Variants in MCMBP observed in about 807,000 individuals in gnomAD.
The protein encoded by MCMBP is minichromosome maintenance complex binding protein.
Under a neutral mutation model 81.3 loss-of-function variants are expected in MCMBP, and 31 were observed. The observed-to-expected ratio is 0.38, with a 90% confidence interval of 0.29 to 0.51. MCMBP has a LOEUF of 0.51. Among genes scored for constraint, MCMBP ranks in the 20% least tolerant of loss-of-function variants. MCMBP has a pLI of 0.87. For missense variants in MCMBP, 645 were observed against 772.1 expected (o/e 0.84, Z 1.95); for synonymous variants, 267 against 275.9 (o/e 0.97, Z 0.32).
rs1427534076 is a variant in MCMBP, at chr10:119,830,696, T to C, written c.*778A>G. 1.3e-5 allele frequency: 2 copies of C among 152,598 alleles called. No homozygotes were observed. Among genetic ancestry groups the C allele is most frequent in the Admixed American group, 6.6e-5 (1 of 15,266 alleles). 9.5% of individuals were successfully genotyped at this position (152,598 alleles called of 1,614,324 possible). A position where few individuals can be genotyped will look rare whatever the true frequency, so the allele number is the denominator to read the frequency against. On this transcript the variant is annotated 3_prime_UTR_variant, in exon 16 of 16. Transcript: ENST00000369077. ...TTTTGCCCCCAAAAGCCACATTCATTCCGTTTAAAGGACTCCTCTTATTCA... is the reference window on the plus strand; with the variant it reads ...TTTTGCCCCCAAAAGCCACATTCATCCCGTTTAAAGGACTCCTCTTATTCA...
chr10:119,842,762 T>C, intron 9 of MCMBP, 167 bp from the exon 10 acceptor site: 1 of 688,184 alleles, frequency 1.5e-6, no homozygotes, highest in African/African-American at 1.9e-5. Flanking sequence ...GCAGTTTGCA[T>C]CCTCCTTTTT....
intron 5 of MCMBP, 52 bp downstream of exon 5, chr10:119,857,286 G>A: frequency 7.8e-7 from 1 of 1,278,144 alleles, no homozygotes; most frequent in Non-Finnish European, 1.1e-6. Flanking sequence ...ATAATTAAAG[G>A]CTAAGTTTTT....
At chr10:119,857,079 GAC>G (rs1475399492) in intron 5 of MCMBP, among the ~76,000 whole-genome samples, 1 of 128,918 alleles carries the variant, frequency 7.8e-6, no homozygotes, top group African/African-American at 2.9e-5. Flanking sequence ...CAGCCTGGGT[GAC>G]AGTGAGTCCC....
At chr10:119,856,267 T>A (rs188663222) in intron 5 of MCMBP, among the ~76,000 whole-genome samples, 85 of 152,190 alleles carry the variant, frequency 5.6e-4, no homozygotes, top group Non-Finnish European at 2.4e-4. Context: ...AAGAACTGAA[T>A]TGGTAGTTTA....
chr10:119,859,338 TG>T (rs1429275771), intron 2 of MCMBP, among the ~76,000 whole-genome samples, 157 bp from the exon 3 acceptor site: 4 of 151,936 alleles, frequency 2.6e-5, no homozygotes, highest in African/African-American at 9.7e-5. Flanking sequence ...ATGATCTCAA[TG>T]GTCAATATAA....
Position 119,831,646 on chromosome 10 carries a change from T to A in MCMBP, c.1797-46A>T, listed in dbSNP as rs1564867086. 4 of 1,594,856 alleles carry A rather than the reference T, an allele frequency of 2.5e-6. No individual in the cohort carries two copies. The Admixed American group carries it at 7.3e-5, about 29-fold the overall frequency. On this transcript the variant is annotated intron_variant, in intron 15 of 15. Coordinates refer to ENST00000369077, the MANE Select transcript of MCMBP (RefSeq NM_001256378.2). ...AAATTTAAGTCTAGAGCTGGGATAG[T>A]AAGTTTTAAATTTTTTTTAAGACCT...
At chr10:119,841,861 A>G (rs1852445115) in intron 10 of MCMBP, among the ~76,000 whole-genome samples, 1 of 152,260 alleles carries the variant, frequency 6.6e-6, no homozygotes, top group Non-Finnish European at 1.5e-5. Context: ...CAGAGCGTTC[A>G]GAATGCAAAA....
At position 119,830,901 on chromosome 10, in the gene MCMBP, C is replaced by CTGTT. The variant is rs146248670; in HGVS notation, c.*569_*572dup. On this transcript the variant is annotated 3_prime_UTR_variant, in exon 16 of 16. Coordinates refer to ENST00000369077, the MANE Select transcript of MCMBP (RefSeq NM_001256378.2). ...CCATGTACAAGTTTAGTTTTGCAGG[C>CTGTT]TGTTAACAAATGTTAAGTGGGAAAA... The CTGTT allele has an allele frequency of 0.015, 2,311 of 152,664 alleles. 23 individuals are homozygous for CTGTT. The highest frequency in any genetic ancestry group is 0.071 in the Middle Eastern group (21 of 294). The allele number at this position is 152,664 out of a possible 1,614,324, so 9.5% of individuals were successfully genotyped here. A position where few individuals can be genotyped will look rare whatever the true frequency, so the allele number is the denominator to read the frequency against.
intron 12 of MCMBP, among the ~76,000 whole-genome samples, chr10:119,837,676 C>T (rs910711575): frequency 3.3e-5 from 5 of 152,064 alleles, no homozygotes; most frequent in African/African-American, 1.2e-4. Context: ...CCCAGCTACT[C>T]GGGAGGCTGA....
chr10:119,842,458 G>A lies in MCMBP; in HGVS notation c.1124+14C>T. ...ACCAAACTCCCCTAATTCCCACCAG[G>A]ATACAGCACTTACACTGTGGAGATG... On this transcript the variant is annotated intron_variant, in intron 10 of 15. Transcript: ENST00000369077. The A allele has an allele frequency of 6.2e-7, 1 of 1,605,720 alleles. No homozygotes were observed. The highest frequency in any genetic ancestry group is 8.5e-7 in the Non-Finnish European group (1 of 1,176,950).
intron 6 of MCMBP, among the ~76,000 whole-genome samples, chr10:119,850,610 G>A (rs946892775): frequency 9.2e-5 from 14 of 151,706 alleles, no homozygotes; most frequent in Non-Finnish European, 1.6e-4. Context: ...TTAGCCAGGC[G>A]TGGTGATGGG....
chr10:119,864,754 C>CTT (rs1036385178), intron 1 of MCMBP, among the ~76,000 whole-genome samples: 62 of 152,106 alleles, frequency 4.1e-4, no homozygotes, highest in African/African-American at 1.4e-3. Flanking sequence ...GAGACCTTCT[C>CTT]TTCTAATTAA....
At position 119,842,667 on chromosome 10, in the gene MCMBP, AACT is replaced by A. The variant is rs373990105; in HGVS notation, c.1001-75_1001-73del. 1.3e-3 allele frequency: 1,934 copies of A among 1,527,152 alleles called. 2 individuals carry two copies. The highest frequency in any genetic ancestry group is 1.6e-3 in the Non-Finnish European group (1,850 of 1,134,406). 94.6% of individuals were successfully genotyped at this position (1,527,152 alleles called of 1,614,324 possible). ...TCTCAAGTGTCTTAGGTAAAAAAATAACTACGTGAGCAAAGCACAATTCAGTCG... is the reference window on the plus strand; with the variant it reads ...TCTCAAGTGTCTTAGGTAAAAAAATAACGTGAGCAAAGCACAATTCAGTCG... On this transcript the variant is annotated intron_variant, in intron 9 of 15. Transcript: ENST00000369077.
In MCMBP at chr10:119,829,619, A is replaced by C. The variant is rs967750063; in HGVS notation, c.*1855T>G. 1.3e-5 allele frequency: 2 copies of C among 152,286 alleles called. No homozygotes were observed. Among genetic ancestry groups the C allele is most frequent in the African/African-American group, 4.8e-5 (2 of 41,446 alleles). The allele number at this position is 152,286 out of a possible 1,614,324, so 9.4% of individuals were successfully genotyped here. A position where few individuals can be genotyped will look rare whatever the true frequency, so the allele number is the denominator to read the frequency against. ...GGACAAAGGGTTTCTGCAGCCAAGCACTGCACTCCATTCCGCTGCCTGGGC... is the reference window on the plus strand; with the variant it reads ...GGACAAAGGGTTTCTGCAGCCAAGCCCTGCACTCCATTCCGCTGCCTGGGC... On this transcript the variant is annotated 3_prime_UTR_variant, in exon 16 of 16. Transcript: ENST00000369077.
chr10:119,842,462 C>T lies in MCMBP; in HGVS notation c.1124+10G>A. On this transcript the variant is annotated intron_variant, in intron 10 of 15. Transcript: ENST00000369077. ...AACTCCCCTAATTCCCACCAGGATA[C>T]AGCACTTACACTGTGGAGATGAGAT... The T allele has an allele frequency of 1.2e-6, 2 of 1,607,530 alleles. No homozygotes were observed. The highest frequency in any genetic ancestry group is 1.7e-6 in the Non-Finnish European group (2 of 1,177,558).
intron 6 of MCMBP, among the ~76,000 whole-genome samples, chr10:119,852,279 A>G (rs560879384): frequency 6.6e-6 from 1 of 152,086 alleles, no homozygotes; most frequent in South Asian, 2.1e-4. Flanking sequence ...TGCTGAAGGG[A>G]AGTGGATAGC....
chr10:119,873,508 G>C (rs1369106393), upstream of MCMBP: 1 of 152,294 alleles, frequency 6.6e-6, no homozygotes, highest in South Asian at 2.1e-4. Flanking sequence ...CTGTCTGGAA[G>C]CTGGCAGCCG....
Position 119,829,825 on chromosome 10 carries a change from G to T in MCMBP, c.*1649C>A, listed in dbSNP as rs767860207. On this transcript the variant is annotated 3_prime_UTR_variant, in exon 16 of 16. Transcript: ENST00000369077. Reference sequence around the variant, plus strand: ...TTGGGACGTTTTATTTATTGGAAAGGTTCTTTCAAGGGAACTTTTCTGCAA... The same window carrying T: ...TTGGGACGTTTTATTTATTGGAAAGTTTCTTTCAAGGGAACTTTTCTGCAA... 2.0e-5 allele frequency: 3 copies of T among 152,258 alleles called. No individual in the cohort carries two copies. Among genetic ancestry groups the T allele is most frequent in the East Asian group, 1.9e-4 (1 of 5,190 alleles). 9.4% of individuals were successfully genotyped at this position (152,258 alleles called of 1,614,324 possible). A position where few individuals can be genotyped will look rare whatever the true frequency, so the allele number is the denominator to read the frequency against.
Position 119,863,134 on chromosome 10 carries a change from A to G in MCMBP, c.59-3250T>C, listed in dbSNP as rs148427355. Among the ~76,000 whole-genome samples, 349 of 152,142 alleles carry G rather than the reference A, an allele frequency of 2.3e-3. 2 individuals carry two copies. The highest frequency in any genetic ancestry group is 8.2e-3 in the African/African-American group (341 of 41,510). ...TGCTCCTAATAGAATTTTTTTTTACAGAACAAAGGTTTTTAATTTTGATGA... is the reference window on the plus strand; with the variant it reads ...TGCTCCTAATAGAATTTTTTTTTACGGAACAAAGGTTTTTAATTTTGATGA... On this transcript the variant is annotated intron_variant, in intron 1 of 15. Coordinates refer to ENST00000369077, the MANE Select transcript of MCMBP (RefSeq NM_001256378.2).
Sources: allele counts gnomAD v4.1 joint callset (sites outside exome capture counted in the v4.1 genomes callset), GRCh38; gene constraint gnomAD v4.1.1; transcripts MANE v1.5; gene names NCBI Gene and HGNC (gene_info 2026-07-23, HGNC 2026-07-21).